VWA3B: variants seen among roughly 807,000 people sequenced by gnomAD.
The protein encoded by VWA3B is von Willebrand factor A domain containing 3B.
A neutral mutation model predicts 158.3 loss-of-function variants in VWA3B; 138 were observed. The ratio of observed to expected loss-of-function variants is 0.87; its 90% CI spans 0.76 to 1.00. VWA3B has a LOEUF of 1.00. Among genes scored for constraint, VWA3B ranks in the 50% least tolerant of loss-of-function variants. VWA3B has a pLI of 0.00. For synonymous variants in VWA3B, 596 were observed against 587.3 expected (o/e 1.01, Z -0.21); for missense variants, 1,555 against 1,565.1 (o/e 0.99, Z 0.11).
chr2:98,187,664 C>CTGTGTGTGTGTGTG (rs3066239), intron 9 of VWA3B, among the ~76,000 whole-genome samples: 67 of 141,790 alleles, frequency 4.7e-4, no homozygotes, highest in African/African-American at 1.7e-3. Flanking sequence ...GTCTCTGTGT[C>CTGTGTGTGTGTGTG]TGTGTGTGTG....
intron 6 of VWA3B, among the ~76,000 whole-genome samples, chr2:98,133,065 A>G (rs1370099606): frequency 6.6e-6 from 1 of 152,018 alleles, no homozygotes; most frequent in Non-Finnish European, 1.5e-5. Flanking sequence ...CTATTTATGG[A>G]CTTTTTGGAT....
intron 7 of VWA3B, among the ~76,000 whole-genome samples, chr2:98,156,123 G>A (rs1008331227): frequency 2.0e-5 from 3 of 152,196 alleles, no homozygotes; most frequent in African/African-American, 7.2e-5. Context: ...TGGGAAGACC[G>A]CACTGGAGTG....
rs568383744 is a variant in VWA3B, at chr2:98,250,260, G to T, written c.2674-58G>T. On this transcript the variant is annotated intron_variant, in intron 19 of 27. Transcript: ENST00000477737. ...TATACAACTATGTAGATGTATTTTC[G>T]AAGGCACGCATTAACCTATCAAGTG... is the stretch of plus-strand genomic sequence containing the variant. The T allele has an allele frequency of 2.6e-4, 345 of 1,305,936 alleles. 2 individuals are homozygous for T. In the South Asian group the frequency reaches 4.4e-3, roughly 17 times the overall value. The allele number at this position is 1,305,936 out of a possible 1,614,324, so 80.9% of individuals were successfully genotyped here.
At chr2:98,111,728 C>T (rs564284661) in intron 2 of VWA3B, among the ~76,000 whole-genome samples, 2 of 152,142 alleles carry the variant, frequency 1.3e-5, no homozygotes, top group African/African-American at 2.4e-5. Context: ...GTCTTTTGCC[C>T]ATTTTTAAAT....
chr2:98,127,592 G>T (rs1315217549), intron 5 of VWA3B, among the ~76,000 whole-genome samples: 10 of 81,490 alleles, frequency 1.2e-4, no homozygotes, highest in Non-Finnish European at 2.6e-4. Context: ...GTGTGTGTGG[G>T]CGGGGGGGGG....
rs548319223 is a variant in VWA3B at position 98,220,666 on chromosome 2, G to A, written c.2019+2638G>A. ...ACACATGCACACATATGTTTATTGC[G>A]GCACAATAAACAATATGCAAACAAT... On this transcript the variant is annotated intron_variant, in intron 14 of 27. Coordinates refer to ENST00000477737, the MANE Select transcript of VWA3B (RefSeq NM_144992.5). Among the ~76,000 whole-genome samples, 33 of 152,082 alleles carry A rather than the reference G, an allele frequency of 2.2e-4. 1 individual carries two copies. The highest frequency in any genetic ancestry group is 2.1e-3 in the South Asian group (10 of 4,804).
chr2:98,297,533 G>A (rs1348403626), intron 23 of VWA3B, among the ~76,000 whole-genome samples: 1 of 152,106 alleles, frequency 6.6e-6, no homozygotes, highest in Non-Finnish European at 1.5e-5. Context: ...CTATCTTTAA[G>A]TATTATGGAA....
At chr2:98,158,594 G>T (rs1453124575) in intron 7 of VWA3B, among the ~76,000 whole-genome samples, 2 of 152,194 alleles carry the variant, frequency 1.3e-5, no homozygotes, top group African/African-American at 4.8e-5. Flanking sequence ...CACATGGACA[G>T]GTTCACTAAT....
intron 19 of VWA3B, among the ~76,000 whole-genome samples, chr2:98,237,643 T>C (rs892676576): frequency 6.6e-6 from 1 of 152,202 alleles, no homozygotes; most frequent in African/African-American, 2.4e-5. Context: ...ACGGCATTAC[T>C]GCAGTGGGAT....
intron 2 of VWA3B, among the ~76,000 whole-genome samples, chr2:98,108,524 G>C (rs568248887): frequency 6.3e-4 from 96 of 152,226 alleles, no homozygotes; most frequent in Non-Finnish European, 1.2e-3. Context: ...ATATTTTGCA[G>C]TTCTATTGGG....
chr2:98,166,568 T>C (rs1679091832), intron 8 of VWA3B, among the ~76,000 whole-genome samples: 1 of 152,118 alleles, frequency 6.6e-6, no homozygotes, highest in African/African-American at 2.4e-5. Context: ...GGCACCTTCA[T>C]CCTGGACTTC....
chr2:98,236,523 G>A, intron 18 of VWA3B, 46 bp downstream of exon 18: 1 of 1,613,852 alleles, frequency 6.2e-7, no homozygotes, highest in Non-Finnish European at 8.5e-7. Flanking sequence ...TGCTTCTGTT[G>A]GTTAACCATC....
At chr2:98,193,092 A>G in intron 11 of VWA3B, 56 bp downstream of exon 11, 1 of 1,552,692 alleles carries the variant, frequency 6.4e-7, no homozygotes, top group South Asian at 1.3e-5. Context: ...GATGGTTATG[A>G]GCAGTGGATA....
intron 7 of VWA3B, among the ~76,000 whole-genome samples, chr2:98,150,347 G>T (rs1420959172): frequency 6.6e-6 from 1 of 152,188 alleles, no homozygotes; most frequent in Admixed American, 6.5e-5. Context: ...CTCTGACAAC[G>T]TGAGCCGCTT....
At chr2:98,153,996 G>A (rs967680217) in intron 7 of VWA3B, among the ~76,000 whole-genome samples, 1 of 151,968 alleles carries the variant, frequency 6.6e-6, no homozygotes, top group Non-Finnish European at 1.5e-5. Context: ...GGAGTAGCTG[G>A]GATTACAGGC....
intron 24 of VWA3B, among the ~76,000 whole-genome samples, chr2:98,299,864 C>T (rs1025453774): frequency 2.0e-5 from 3 of 152,140 alleles, no homozygotes; most frequent in Non-Finnish European, 4.4e-5. Context: ...GAAGTCCTAC[C>T]AAAATGGGGC....
intron 23 of VWA3B, among the ~76,000 whole-genome samples, chr2:98,294,007 A>G (rs1689644314): frequency 6.6e-6 from 1 of 151,964 alleles, no homozygotes; most frequent in Admixed American, 6.5e-5. Flanking sequence ...CAGTTATTTT[A>G]CAGAACGTTC....
Position 98,162,971 on chromosome 2 carries a change from ACTGCGGTTG to A in VWA3B, c.1110_1114+4del, listed in dbSNP as rs1377800945. 1 of 1,614,122 alleles carries A rather than the reference ACTGCGGTTG, an allele frequency of 6.2e-7. No individual in the cohort carries two copies. Among genetic ancestry groups the A allele is most frequent in the Non-Finnish European group, 8.5e-7 (1 of 1,180,008 alleles). On this transcript the variant is annotated splice_donor_variant and splice_donor_region_variant and coding_sequence_variant and intron_variant, in exon 8 of 28. Transcript: ENST00000477737. LOFTEE classifies it high-confidence loss of function. Reference sequence around the variant, plus strand: ...CCCAAGCCCGACGTGGCCACTGTGGACTGCGGTTGGTGCTATTTCTGGTCACTGGTGTAA... The same window carrying A: ...CCCAAGCCCGACGTGGCCACTGTGGAGTGCTATTTCTGGTCACTGGTGTAA...
At chr2:98,114,106 A>G (rs530207885) in intron 2 of VWA3B, among the ~76,000 whole-genome samples, 1 of 152,248 alleles carries the variant, frequency 6.6e-6, no homozygotes, top group South Asian at 2.1e-4. Context: ...TTTCGTCCAG[A>G]ATTTATCATA....
Sources: gnomAD v4.1 joint callset for allele counts (sites outside exome capture counted in the v4.1 genomes callset) on GRCh38, gnomAD v4.1.1 for gene constraint, MANE v1.5 for transcripts, NCBI Gene and HGNC (gene_info 2026-07-23, HGNC 2026-07-21) for gene names.